S100A10: variants seen among roughly 807,000 people sequenced by gnomAD.
S100A10 encodes protein S100-A10.
S100A10 carries 3 observed loss-of-function variants against 7.1 expected under a neutral mutation model. The observed-to-expected ratio is 0.42, with a 90% CI of 0.19 to 1.10. S100A10 has a LOEUF of 1.10. Ranked by LOEUF, S100A10 falls within the 50% of genes least tolerant of loss-of-function variation. S100A10 has a pLI of 0.29. For synonymous variants in S100A10, 41 were observed against 39.3 expected (o/e 1.04, Z -0.16); for missense variants, 101 against 118.1 (o/e 0.86, Z 0.67).
intron 1 of S100A10, among the ~76,000 whole-genome samples, chr1:151,988,313 T>TA (rs930635998): frequency 2.6e-5 from 4 of 152,090 alleles, no homozygotes; most frequent in African/African-American, 9.7e-5. Context: ...AATATAGCAC[T>TA]AAAAAATAAA....
intron 1 of S100A10, among the ~76,000 whole-genome samples, chr1:151,987,394 C>T (rs1211597726): frequency 6.6e-6 from 1 of 152,062 alleles, no homozygotes; most frequent in African/African-American, 2.4e-5. Flanking sequence ...TTAGATATGG[C>T]TGATACTAAC....
chr1:151,984,896 C>T (rs1557772348), intron 2 of S100A10, among the ~76,000 whole-genome samples: 1 of 152,206 alleles, frequency 6.6e-6, no homozygotes, highest in Non-Finnish European at 1.5e-5. Context: ...AGAGCCAGAT[C>T]TTCTAACTCC....
At position 151,983,319 on chromosome 1, in the gene S100A10, T is replaced by C. The variant is rs367809896; in HGVS notation, c.138A>G (p.Gln46=). Reference sequence around the variant, plus strand: ...TTTTGTCCACAGCCAGAGGGTCTTTTTGATTCTGAAAAAAAAAAGAACAAA... The same window carrying C: ...TTTTGTCCACAGCCAGAGGGTCTTTCTGATTCTGAAAAAAAAAAGAACAAA... ...EKEFPGFLEN[Q]KDPLAVDKIM... The change falls in exon 3 of 3, where the codon CAA becomes CAG. Residue 46 remains glutamine (Q), a synonymous_variant. Coordinates refer to ENST00000368811, the MANE Select transcript of S100A10 (RefSeq NM_002966.3). 6.5e-7 allele frequency: 1 copy of C among 1,543,198 alleles called. No homozygotes were observed. The highest frequency in any genetic ancestry group is 1.3e-5 in the South Asian group (1 of 79,862).
chr1:151,990,259 G>A (rs1431718985), intron 1 of S100A10, among the ~76,000 whole-genome samples: 2 of 152,164 alleles, frequency 1.3e-5, no homozygotes, highest in Non-Finnish European at 2.9e-5. Context: ...ATACGCAAAA[G>A]GAAAAATATG....
At chr1:151,988,575 C>A (rs550227665) in intron 1 of S100A10, among the ~76,000 whole-genome samples, 1 of 152,286 alleles carries the variant, frequency 6.6e-6, no homozygotes, top group South Asian at 2.1e-4. Flanking sequence ...GTATGGGAAC[C>A]AGCAGGCCAA....
rs151104998 is a variant in S100A10, at chr1:151,986,102, C to T, written c.129G>A (p.Leu43=). 7.0e-5 allele frequency: 111 copies of T among 1,590,346 alleles called. 2 individuals carry two copies. In the African/African-American group the frequency reaches 1.4e-3, roughly 20 times the overall value. Residue 43 remains leucine (L), a synonymous_variant, in exon 2 of 3, where the codon TTG becomes TTA. Coordinates refer to ENST00000368811, the MANE Select transcript of S100A10 (RefSeq NM_002966.3). The stretch of plus-strand genomic sequence containing the variant: ...TTGTAAGCTTTTCAACACTTACTTC[C>T]AAAAATCCAGGGAACTCCTTTTCCA... The part of the protein sequence containing the change: ...VLMEKEFPGF[L]ENQKDPLAVD...
chr1:151,990,957 G>A (rs1411797058), intron 1 of S100A10, among the ~76,000 whole-genome samples: 1 of 152,168 alleles, frequency 6.6e-6, no homozygotes, highest in African/African-American at 2.4e-5. Flanking sequence ...CCTCAGAAAA[G>A]TGTCTGCTCC....
chr1:151,989,443 G>C (rs1348149356), intron 1 of S100A10, among the ~76,000 whole-genome samples: 1 of 152,210 alleles, frequency 6.6e-6, no homozygotes, highest in Non-Finnish European at 1.5e-5. Context: ...GGAGTAGCCA[G>C]GAGGTGAAAA....
intron 1 of S100A10, 149 bp from the exon 2 acceptor site, chr1:151,986,400 G>A: frequency 1.8e-6 from 1 of 555,180 alleles, no homozygotes; most frequent in Non-Finnish European, 3.0e-6. Flanking sequence ...ATTGTGGGAT[G>A]ACTGAATCTA....
rs375729786 is a variant in S100A10 at position 151,986,495 on chromosome 1, C to T, written c.-21-244G>A. ...CACTCTTAACTATTTGTCAAGAATA[C>T]AATACATTGTAATTAACTATAGTCA... On this transcript the variant is annotated intron_variant, in intron 1 of 2. Coordinates refer to ENST00000368811, the MANE Select transcript of S100A10 (RefSeq NM_002966.3). Among the ~76,000 whole-genome samples, 14 of 152,316 alleles carry T rather than the reference C, an allele frequency of 9.2e-5. No homozygotes were observed. In the East Asian group the frequency reaches 2.7e-3, roughly 29 times the overall value.
At chr1:151,986,836 C>T (rs2101768898) in intron 1 of S100A10, among the ~76,000 whole-genome samples, 1 of 152,272 alleles carries the variant, frequency 6.6e-6, no homozygotes, top group Middle Eastern at 3.4e-3. Flanking sequence ...ATCTGATCTT[C>T]TCCAGCTTTA....
At chr1:151,983,486 T>C (rs1283196979) in intron 2 of S100A10, among the ~76,000 whole-genome samples, 162 bp from the exon 3 acceptor site, 1 of 151,890 alleles carries the variant, frequency 6.6e-6, no homozygotes, top group Non-Finnish European at 1.5e-5. Flanking sequence ...GTATTTTTTT[T>C]TTTTTTTGCC....
intron 2 of S100A10, 71 bp from the exon 3 acceptor site, chr1:151,983,395 C>A (rs1224930591): frequency 5.2e-6 from 5 of 964,502 alleles, no homozygotes; most frequent in Non-Finnish European, 7.3e-6. Flanking sequence ...TTGATTTGTA[C>A]TGCTGAGAAC....
rs1484280791 is a variant in S100A10, at chr1:151,983,293, A to G, written c.164T>C (p.Ile55Thr). 6.4e-7 allele frequency: 1 copy of G among 1,567,568 alleles called. No homozygotes were observed. Among genetic ancestry groups the G allele is most frequent in the East Asian group, 2.3e-5 (1 of 44,148 alleles). The change falls in exon 3 of 3, where the codon ATA becomes ACA. Residue 55 changes from isoleucine to threonine, a missense_variant. Transcript: ENST00000368811. The stretch of plus-strand genomic sequence containing the variant: ...TCTACACTGGTCCAGGTCCTTCATT[A>G]TTTTGTCCACAGCCAGAGGGTCTTT... ...NQKDPLAVDK[I>T]MKDLDQCRDG...
chr1:151,983,383 A>AACCTTTAACT, intron 2 of S100A10, 59 bp from the exon 3 acceptor site: 1 of 1,203,448 alleles, frequency 8.3e-7, no homozygotes, highest in Non-Finnish European at 1.1e-6. Flanking sequence ...TGAGGAGCTT[A>AACCTTTAACT]TTTGATTTGT....
At chr1:151,990,872 T>C (rs559785306) in intron 1 of S100A10, among the ~76,000 whole-genome samples, 2 of 152,354 alleles carry the variant, frequency 1.3e-5, no homozygotes, top group South Asian at 2.1e-4. Flanking sequence ...TCATAGAGCC[T>C]GCTCGATGAA....
chr1:151,987,301 A>G (rs1370414024), intron 1 of S100A10, among the ~76,000 whole-genome samples: 1 of 150,916 alleles, frequency 6.6e-6, no homozygotes, highest in Non-Finnish European at 1.5e-5. Flanking sequence ...CGCCCGGCCC[A>G]GTGTTCCTCT....
chr1:151,986,391 T>C (rs940125598), intron 1 of S100A10, 140 bp from the exon 2 acceptor site: 5 of 583,618 alleles, frequency 8.6e-6, no homozygotes, highest in Non-Finnish European at 1.4e-5. Flanking sequence ...TATATATACA[T>C]TGTGGGATGA....
intron 2 of S100A10, among the ~76,000 whole-genome samples, chr1:151,985,650 T>A (rs1655774775): frequency 6.6e-6 from 1 of 152,210 alleles, no homozygotes; most frequent in African/African-American, 2.4e-5. Flanking sequence ...GTGACCAGGA[T>A]GTGGCATCTC....
Sources: allele counts gnomAD v4.1 joint callset (sites outside exome capture counted in the v4.1 genomes callset), GRCh38; gene constraint gnomAD v4.1.1; transcripts MANE v1.5; gene names NCBI Gene and HGNC (gene_info 2026-07-23, HGNC 2026-07-21).